GRK5: variants seen among roughly 807,000 people sequenced by gnomAD.
GRK5 encodes the protein g protein-coupled receptor kinase GRK5.
Under a neutral mutation model 78.4 loss-of-function variants are expected in GRK5, and 40 were observed. That is an observed-to-expected ratio of 0.51 (90% CI 0.40 to 0.66). The LOEUF (loss-of-function observed/expected upper bound fraction) is 0.66, where lower values mean the gene tolerates loss of function less well. Among genes scored for constraint, GRK5 ranks in the 30% least tolerant of loss-of-function variants. The pLI is 0.00. For synonymous variants in GRK5, 289 were observed against 296.8 expected (o/e 0.97, Z 0.27); for missense variants, 598 against 759.9 (o/e 0.79, Z 2.50).
At chr10:119,275,410 T>A (rs761053738) in intron 1 of GRK5, among the ~76,000 whole-genome samples, 2 of 152,198 alleles carry the variant, frequency 1.3e-5, no homozygotes, top group Non-Finnish European at 2.9e-5. Context: ...CTGTTATCAC[T>A]TCCTGAGACA....
intron 1 of GRK5, among the ~76,000 whole-genome samples, chr10:119,294,987 G>A (rs1307187830): frequency 2.0e-5 from 3 of 151,968 alleles, no homozygotes; most frequent in Non-Finnish European, 2.9e-5. Flanking sequence ...TCAGGAGATC[G>A]AGACCATCCT....
At chr10:119,338,110 C>G (rs549825305) in intron 2 of GRK5, among the ~76,000 whole-genome samples, 2 of 152,288 alleles carry the variant, frequency 1.3e-5, no homozygotes, top group South Asian at 2.1e-4. Flanking sequence ...TATTCACGTG[C>G]TCATGTGGTC....
chr10:119,332,138 A>C (rs1850791918), intron 2 of GRK5, among the ~76,000 whole-genome samples: 1 of 140,364 alleles, frequency 7.1e-6, no homozygotes, highest in Non-Finnish European at 1.5e-5. Flanking sequence ...TCAGAGTTTG[A>C]CTCTGTCGCT....
At chr10:119,317,432 G>A (rs1320771149) in intron 1 of GRK5, among the ~76,000 whole-genome samples, 2 of 151,044 alleles carry the variant, frequency 1.3e-5, no homozygotes, top group East Asian at 3.9e-4. Flanking sequence ...AACTTCACAG[G>A]GAGATGATCA....
At chr10:119,342,856 A>T (rs1178915281) in intron 2 of GRK5, among the ~76,000 whole-genome samples, 1 of 151,642 alleles carries the variant, frequency 6.6e-6, no homozygotes, top group African/African-American at 2.4e-5. Flanking sequence ...TCAGATCTTT[A>T]TTTACTGACT....
intron 1 of GRK5, among the ~76,000 whole-genome samples, chr10:119,269,531 G>A (rs1404903527): frequency 6.6e-6 from 1 of 151,912 alleles, no homozygotes; most frequent in Non-Finnish European, 1.5e-5. Flanking sequence ...TTAGGTTTAG[G>A]GTCAAGACTG....
At chr10:119,244,792 G>T (rs1285643037) in intron 1 of GRK5, among the ~76,000 whole-genome samples, 4 of 152,112 alleles carry the variant, frequency 2.6e-5, no homozygotes, top group African/African-American at 9.7e-5. Flanking sequence ...ATACCTGTTA[G>T]GACAGATATT....
intron 1 of GRK5, among the ~76,000 whole-genome samples, chr10:119,252,079 T>G (rs1166531627): frequency 6.6e-6 from 1 of 152,226 alleles, no homozygotes; most frequent in Admixed American, 6.5e-5. Context: ...GACATATGTC[T>G]TCACTCTCCC....
intron 1 of GRK5, among the ~76,000 whole-genome samples, chr10:119,265,648 A>G (rs571167929): frequency 3.3e-5 from 5 of 152,320 alleles, no homozygotes; most frequent in South Asian, 2.1e-4. Context: ...CACCCAGTCT[A>G]TGGCAGCCTG....
chr10:119,319,051 T>A (rs74157654), intron 1 of GRK5, among the ~76,000 whole-genome samples: 7,206 of 152,292 alleles, frequency 0.047, 259 homozygotes, highest in African/African-American at 0.099. Context: ...CTGCCTTCCA[T>A]CAGGCACTCC....
At chr10:119,333,857 A>G (rs758720975) in intron 2 of GRK5, 1 of 532,138 alleles carries the variant, frequency 1.9e-6, no homozygotes, top group Non-Finnish European at 3.8e-6. Flanking sequence ...CAAATCAAGA[A>G]AGTTCCACAG....
intron 1 of GRK5, among the ~76,000 whole-genome samples, chr10:119,317,272 ACT>A (rs755015150): frequency 9.3e-5 from 14 of 151,116 alleles, no homozygotes; most frequent in Non-Finnish European, 2.1e-4. Flanking sequence ...CCCAGGGATG[ACT>A]CTCTTTTCTC....
intron 2 of GRK5, among the ~76,000 whole-genome samples, chr10:119,355,068 G>T (rs35364058): frequency 1.3e-5 from 2 of 152,104 alleles, no homozygotes; most frequent in Admixed American, 1.3e-4. Context: ...CTAATACCTA[G>T]TTCAATGTAA....
chr10:119,278,921 A>G (rs1849710940), intron 1 of GRK5, among the ~76,000 whole-genome samples: 2 of 152,164 alleles, frequency 1.3e-5, no homozygotes, highest in Non-Finnish European at 1.5e-5. Context: ...TCTGTTGCCC[A>G]GGCTGGAGTG....
At chr10:119,241,676 CT>C (rs765019207) in intron 1 of GRK5, among the ~76,000 whole-genome samples, 1 of 152,158 alleles carries the variant, frequency 6.6e-6, no homozygotes. Context: ...GGAACATGGT[CT>C]TTGCCTTGAT....
chr10:119,291,974 C>T (rs1849977654), intron 1 of GRK5, among the ~76,000 whole-genome samples: 1 of 140,202 alleles, frequency 7.1e-6, no homozygotes, highest in Non-Finnish European at 1.6e-5. Context: ...TCCTCCTTCT[C>T]CTCCTCTTCC....
intron 10 of GRK5, 73 bp from the exon 11 acceptor site, chr10:119,441,926 C>A: frequency 8.1e-7 from 1 of 1,234,588 alleles, no homozygotes. Flanking sequence ...TATGCCTTGC[C>A]CAAGGGCACA....
In GRK5 at chr10:119,425,062, T is replaced by C. The variant is rs1465095937; in HGVS notation, c.510T>C (p.Phe170=). 1 of 1,613,418 alleles carries C rather than the reference T, an allele frequency of 6.2e-7. No individual in the cohort carries two copies. Among genetic ancestry groups the C allele is most frequent in the African/African-American group, 1.3e-5 (1 of 74,960 alleles). Residue 170 remains phenylalanine (F), a synonymous_variant, in exon 6 of 16, where the codon TTT becomes TTC. Coordinates refer to ENST00000392870, the MANE Select transcript of GRK5 (RefSeq NM_005308.3). ...EYLDSMFFDR[F]LQWKWLERQP... The stretch of plus-strand genomic sequence containing the variant: ...TGGACAGCATGTTTTTTGACCGCTT[T>C]CTCCAGTGGAAGTGGTTGGAAAGGT...
At chr10:119,356,854 A>T (rs1851269476) in intron 2 of GRK5, among the ~76,000 whole-genome samples, 1 of 152,202 alleles carries the variant, frequency 6.6e-6, no homozygotes, top group Non-Finnish European at 1.5e-5. Flanking sequence ...TCATATAGGA[A>T]CCCTTCTCAA....
Sources: allele counts gnomAD v4.1 joint callset (sites outside exome capture counted in the v4.1 genomes callset), GRCh38; gene constraint gnomAD v4.1.1; transcripts MANE v1.5; gene names NCBI Gene and HGNC (gene_info 2026-07-23, HGNC 2026-07-21).